JAKMIP3: variants seen among roughly 807,000 people sequenced by gnomAD.
JAKMIP3 encodes Janus kinase and microtubule interacting protein 3.
Under a neutral mutation model 118.5 loss-of-function variants are expected in JAKMIP3, and 58 were observed. The observed-to-expected ratio is 0.49, with a 90% CI of 0.40 to 0.61. The LOEUF is 0.61. Among genes scored for constraint, JAKMIP3 ranks in the 20% least tolerant of loss-of-function variants. The probability of loss-of-function intolerance (pLI) is 0.00; values close to 1 mark genes in which losing one functional copy is unlikely to be tolerated. For missense variants in JAKMIP3, 950 were observed against 1,109.0 expected, an observed-to-expected ratio of 0.86 and a Z score of 2.04; for synonymous variants, 486 against 451.2, an observed-to-expected ratio of 1.08 and a Z score of -0.98.
intron 1 of JAKMIP3, among the ~76,000 whole-genome samples, chr10:132,059,468 TG>T (rs2038333530): frequency 6.6e-6 from 1 of 152,264 alleles, no homozygotes; most frequent in African/African-American, 2.4e-5. Flanking sequence ...GAGCCTGGCG[TG>T]GTGACCACAG....
At chr10:132,047,780 C>T (rs1290324172) in intron 1 of JAKMIP3, among the ~76,000 whole-genome samples, 6 of 151,666 alleles carry the variant, frequency 4.0e-5, no homozygotes, top group Admixed American at 2.6e-4. Flanking sequence ...CCCCACGCCC[C>T]GCCCTCTGCG....
At position 132,088,347 on chromosome 10, in the gene JAKMIP3, C is replaced by T. The variant is rs989917813; in HGVS notation, c.-137-16325C>T. Among the ~76,000 whole-genome samples the T allele has an allele frequency of 3.9e-5, 6 of 152,338 alleles. 1 individual carries two copies. The highest frequency in any genetic ancestry group is 3.9e-4 in the East Asian group (2 of 5,186). On this transcript the variant is annotated intron_variant, in intron 1 of 23. Transcript: ENST00000684848. ...CAACAGTGTAAAACTGTTCCTATTT[C>T]TCCACATCCTCTCCAGCACCTGTTG...
chr10:132,111,656 C>T (rs866417033), intron 2 of JAKMIP3, among the ~76,000 whole-genome samples: 3 of 152,088 alleles, frequency 2.0e-5, no homozygotes, highest in Non-Finnish European at 2.9e-5. Context: ...CTCCCTGGAC[C>T]GCTGGGCATC....
chr10:132,078,625 G>T (rs12761392), intron 1 of JAKMIP3, among the ~76,000 whole-genome samples: 37,498 of 140,824 alleles, frequency 0.27, 5,293 homozygotes, highest in Middle Eastern at 0.43. Context: ...GGGGCGGGGG[G>T]GGGGGGGGGT....
At chr10:132,041,692 G>A (rs1236682680) in intron 1 of JAKMIP3, among the ~76,000 whole-genome samples, 4 of 152,174 alleles carry the variant, frequency 2.6e-5, no homozygotes, top group Non-Finnish European at 1.5e-5. Context: ...CAGGCTGGGT[G>A]GGCATGTGAG....
In JAKMIP3 at chr10:132,049,232, T is replaced by C. The variant is rs958921735; in HGVS notation, c.-138+12494T>C. Among the ~76,000 whole-genome samples, 7 of 152,198 alleles carry C rather than the reference T, an allele frequency of 4.6e-5. No homozygotes were observed. Among genetic ancestry groups the C allele is most frequent in the Non-Finnish European group, 8.8e-5 (6 of 68,034 alleles). On this transcript the variant is annotated intron_variant, in intron 1 of 23. Coordinates refer to the JAKMIP3 transcript ENST00000657785. The surrounding 1 kb of genome is among the most constrained non-coding windows in gnomAD (Gnocchi z 4.3). ...CACCGTGGATTCGGGTCTGTTTCTA[T>C]GTAGGGACGGTCTTCCGGGAGCACA... is the stretch of plus-strand genomic sequence containing the variant.
At chr10:132,147,024 G>T (rs1302325829) in intron 13 of JAKMIP3, among the ~76,000 whole-genome samples, 1 of 152,220 alleles carries the variant, frequency 6.6e-6, no homozygotes, top group Non-Finnish European at 1.5e-5. Flanking sequence ...ATGCTGGCAC[G>T]CACATGGAAA....
At chr10:132,135,260 G>T in intron 5 of JAKMIP3, 100 bp downstream of exon 5, 1 of 1,235,470 alleles carries the variant, frequency 8.1e-7, no homozygotes, top group Non-Finnish European at 1.1e-6. Context: ...TAAAGGAGTG[G>T]TGGTTGCAAG....
chr10:132,070,159 T>C (rs2039604195), intron 1 of JAKMIP3, among the ~76,000 whole-genome samples: 2 of 152,148 alleles, frequency 1.3e-5, no homozygotes, highest in South Asian at 2.1e-4. Flanking sequence ...TGCATTTTTA[T>C]TTTTTGAGAC....
chr10:132,141,914 C>T lies in JAKMIP3; in HGVS notation c.1474-6C>T, dbSNP rs976748530. Reference sequence around the variant, plus strand: ...CTGTGCGTGTGTGGCATCCGTGTCTCTCCAGGGCATGGCCAAGGAGGAGAC... The same window carrying T: ...CTGTGCGTGTGTGGCATCCGTGTCTTTCCAGGGCATGGCCAAGGAGGAGAC... On this transcript the variant is annotated splice_polypyrimidine_tract_variant and splice_region_variant and intron_variant, in intron 10 of 23. Coordinates refer to ENST00000684848, the MANE Select transcript of JAKMIP3 (RefSeq NM_001323087.2). 4 of 1,592,004 alleles carry T rather than the reference C, an allele frequency of 2.5e-6. No individual in the cohort carries two copies. Among genetic ancestry groups the T allele is most frequent in the African/African-American group, 2.7e-5 (2 of 74,510 alleles).
At chr10:132,063,362 G>A (rs1241919552), upstream of JAKMIP3, among the ~76,000 whole-genome samples, 6 of 151,948 alleles carry the variant, frequency 3.9e-5, no homozygotes, top group East Asian at 1.9e-4. Context: ...GCTGGGGCTC[G>A]GTTTCTGGGA....
In JAKMIP3 at chr10:132,156,121, C is replaced by T. The variant is rs148484359; in HGVS notation, c.2220+2131C>T. On this transcript the variant is annotated intron_variant, in intron 19 of 23. Transcript: ENST00000684848. The stretch of plus-strand genomic sequence containing the variant: ...TGCAGCCAGCTGACACTCCTCTGCC[C>T]GCGCCTTCTGGGACTCCCAGCTGCC... 8.5e-3 allele frequency among the ~76,000 whole-genome samples: 1,302 copies of T among 152,294 alleles called. 12 individuals carry two copies. Among genetic ancestry groups the T allele is most frequent in the Middle Eastern group, 0.027 (8 of 294 alleles).
At chr10:132,103,226 A>G (rs72856603) in intron 1 of JAKMIP3, among the ~76,000 whole-genome samples, 19,020 of 151,708 alleles carry the variant, frequency 0.13, 1,577 homozygotes, top group Non-Finnish European at 0.18. Flanking sequence ...GGATGGAAGG[A>G]GGCCCCAGGA....
chr10:132,146,456 C>T (rs533121620), intron 13 of JAKMIP3, among the ~76,000 whole-genome samples: 1 of 151,996 alleles, frequency 6.6e-6, no homozygotes, highest in Non-Finnish European at 1.5e-5. Flanking sequence ...GAGGCAGGGG[C>T]GGGGCTGGCT....
rs370499252 is a variant in JAKMIP3, at chr10:132,112,760, G to A, written c.136-4317G>A. Among the ~76,000 whole-genome samples the A allele has an allele frequency of 2.8e-4, 42 of 152,204 alleles. No homozygotes were observed. Among genetic ancestry groups the A allele is most frequent in the African/African-American group, 8.7e-4 (36 of 41,530 alleles). On this transcript the variant is annotated intron_variant, in intron 2 of 23. Transcript: ENST00000684848. This position sits in a 1 kb window ranked among gnomAD's most constrained non-coding sequence, Gnocchi z 4.3. ...ACAGCCACGTGTCTCCTTGGACAGGGCAGCTCTCCACCTCCCCTTGGACAC... is the reference window on the plus strand; with the variant it reads ...ACAGCCACGTGTCTCCTTGGACAGGACAGCTCTCCACCTCCCCTTGGACAC...
chr10:132,066,334 G>C (rs1339377796), intron 1 of JAKMIP3, among the ~76,000 whole-genome samples: 2 of 152,228 alleles, frequency 1.3e-5, no homozygotes, highest in Non-Finnish European at 2.9e-5. Context: ...TTAAAGCATG[G>C]GTGTGTGTTC....
At chr10:132,162,717 C>T (rs1200500193) in intron 19 of JAKMIP3, among the ~76,000 whole-genome samples, 3 of 137,994 alleles carry the variant, frequency 2.2e-5, no homozygotes, top group African/African-American at 7.5e-5. Context: ...TTGAAATATA[C>T]AGAGCAAACT....
At position 132,180,650 on chromosome 10, in the gene JAKMIP3, T is replaced by TGC. The variant is rs1428607821; in HGVS notation, c.*1104-1705_*1104-1704dup. Among the ~76,000 whole-genome samples the TGC allele has an allele frequency of 6.0e-4, 17 of 28,232 alleles. 1 individual carries two copies. The highest frequency in any genetic ancestry group is 2.2e-3 in the African/African-American group (11 of 5,018). 18.5% of individuals were successfully genotyped at this position (28,232 alleles called of 152,430 possible). On this transcript the variant is annotated intron_variant, in intron 23 of 23. Transcript: ENST00000684848. The stretch of plus-strand genomic sequence containing the variant: ...GCGTGTGTGCGTGCGTGTGTGCGTG[T>TGC]GCGTGTGCGTGTGTGCGTGTGTGTG...
Position 132,112,284 on chromosome 10 carries a change from A to C in JAKMIP3, c.136-4793A>C, listed in dbSNP as rs963046882. On this transcript the variant is annotated intron_variant, in intron 2 of 23. Transcript: ENST00000684848. This position sits in a 1 kb window ranked among gnomAD's most constrained non-coding sequence, Gnocchi z 4.3. ...GGGGCACACGGGCCTCAGGTGTGGGAGCGGGGTCTCCGGGTGGTGGGAGAT... is the reference window on the plus strand; with the variant it reads ...GGGGCACACGGGCCTCAGGTGTGGGCGCGGGGTCTCCGGGTGGTGGGAGAT... Among the ~76,000 whole-genome samples, 2 of 151,690 alleles carry C rather than the reference A, an allele frequency of 1.3e-5. No individual in the cohort carries two copies. The highest frequency in any genetic ancestry group is 1.5e-5 in the Non-Finnish European group (1 of 67,852).
Sources: allele counts gnomAD v4.1 joint callset (sites outside exome capture counted in the v4.1 genomes callset), GRCh38; gene constraint gnomAD v4.1.1; non-coding constraint Gnocchi (gnomAD v3.1); transcripts MANE v1.5; gene names NCBI Gene and HGNC (gene_info 2026-07-23, HGNC 2026-07-21).